Variants in MARCHF7 observed in about 807,000 individuals in gnomAD.
The protein encoded by MARCHF7 is membrane associated ring-CH-type finger 7.
In MARCHF7, 20 loss-of-function variants were observed where a neutral mutation model predicts 76.5. The observed-to-expected ratio is 0.26, with a 90% CI of 0.18 to 0.38. The LOEUF is 0.38. Among genes scored for constraint, MARCHF7 ranks in the 10% least tolerant of loss-of-function variants. The pLI, the probability that MARCHF7 is intolerant of heterozygous loss-of-function variation, is 1.00. For missense variants in MARCHF7, 797 were observed against 812.9 expected (o/e 0.98, Z 0.24); for synonymous variants, 295 against 293.0 (o/e 1.01, Z -0.07).
At chr2:159,732,367 T>G (rs1209083729) in intron 4 of MARCHF7, among the ~76,000 whole-genome samples, 2 of 152,218 alleles carry the variant, frequency 1.3e-5, no homozygotes, top group South Asian at 2.1e-4. Context: ...GCTTTTTAGT[T>G]GCTTTAAGTT....
chr2:159,743,238 T>G lies in MARCHF7; in HGVS notation c.331T>G (p.Leu111Val), dbSNP rs754053290. Residue 111 changes from leucine (L) to valine (V), a missense_variant, in exon 5 of 12, where the codon TTA (leucine) becomes GTA (valine). Physicochemically the swap from Leu to Val is conservative, Grantham distance 32. Transcript: ENST00000409175. ...TSAGRNVGNGLNTLSDSSWRH... is the reference protein window; with the variant it reads ...TSAGRNVGNGVNTLSDSSWRH... ...AGCTGGGAGAAATGTTGGAAATGGT[T>G]TAAACACATTATCAGGTAAGAATGA... The G allele has an allele frequency of 6.2e-7, 1 of 1,613,874 alleles. No homozygotes were observed. Among genetic ancestry groups the G allele is most frequent in the Non-Finnish European group, 8.5e-7 (1 of 1,179,818 alleles).
In MARCHF7 at chr2:159,759,752, A is replaced by T. The variant is rs543524562; in HGVS notation, c.1893+417A>T. ...TGAAGTGTGGTTAGCATATTTGTTT[A>T]AAAAAAACAAACAAAGATATGCTGT... On this transcript the variant is annotated intron_variant, in intron 9 of 11. Coordinates refer to ENST00000409175, the MANE Select transcript of MARCHF7 (RefSeq NM_001282805.2). 5.3e-5 allele frequency among the ~76,000 whole-genome samples: 8 copies of T among 152,006 alleles called. No homozygotes were observed. The South Asian group carries it at 1.7e-3, about 32-fold the overall frequency.
chr2:159,764,255 T>TGCGCGCGCGC (rs1553788076), intron 10 of MARCHF7, among the ~76,000 whole-genome samples: 20 of 131,474 alleles, frequency 1.5e-4, no homozygotes, highest in South Asian at 4.8e-4. Flanking sequence ...TGTGTGTGTG[T>TGCGCGCGCGC]GCGCGCGCCC....
At chr2:159,730,341 G>C (rs985143512) in intron 4 of MARCHF7, among the ~76,000 whole-genome samples, 2 of 152,116 alleles carry the variant, frequency 1.3e-5, no homozygotes, top group Non-Finnish European at 2.9e-5. Flanking sequence ...AAATTTCTTT[G>C]TGTTAAGTAT....
chr2:159,754,910 T>A (rs1706101914), intron 8 of MARCHF7, among the ~76,000 whole-genome samples: 1 of 152,308 alleles, frequency 6.6e-6, no homozygotes, highest in South Asian at 2.1e-4. Context: ...TGTGGATGTG[T>A]AGTAGGATTT....
chr2:159,734,930 C>T (rs1703274812), intron 4 of MARCHF7, among the ~76,000 whole-genome samples: 1 of 151,994 alleles, frequency 6.6e-6, no homozygotes, highest in Non-Finnish European at 1.5e-5. Flanking sequence ...TGCAATGACC[C>T]TTGATCATGC....
At chr2:159,714,272 T>C (rs1405645851) in intron 1 of MARCHF7, among the ~76,000 whole-genome samples, 1 of 152,232 alleles carries the variant, frequency 6.6e-6, no homozygotes, top group East Asian at 1.9e-4. Context: ...TAATTTGTAA[T>C]TTGTTGTAGT....
chr2:159,721,325 A>AT (rs1487365660), intron 3 of MARCHF7, among the ~76,000 whole-genome samples: 1 of 151,964 alleles, frequency 6.6e-6, no homozygotes, highest in Non-Finnish European at 1.5e-5. Context: ...AAAGCAGTTC[A>AT]TTTTTTTCAT....
rs1705143435 is a variant in MARCHF7 at position 159,748,249 on chromosome 2, T to C, written c.959T>C (p.Ile320Thr). The change falls in exon 7 of 12, where the codon ATC (isoleucine) becomes ACC (threonine). Residue 320 changes from isoleucine to threonine, a missense_variant. Ile to Thr is a moderately conservative substitution (Grantham distance 89). Around this residue, in one of 3 missense-constraint regions of MARCHF7, gnomAD observed 643 missense variants for 631.5 expected, o/e 1.02. Transcript: ENST00000409175. ...NSENSYVSPR[I>T]LTASQSRSNV... is the part of the protein sequence containing the mutation. ...GAAAATTCTTACGTTTCTCCAAGAA[T>C]CTTGACAGCTTCACAGTCCCGTAGT... The C allele has an allele frequency of 6.2e-7, 1 of 1,613,736 alleles. No homozygotes were observed. Among genetic ancestry groups the C allele is most frequent in the African/African-American group, 1.3e-5 (1 of 74,930 alleles).
chr2:159,764,794 A>G (rs1707562844), intron 11 of MARCHF7, 120 bp downstream of exon 11: 1 of 555,992 alleles, frequency 1.8e-6, no homozygotes, highest in Non-Finnish European at 3.0e-6. Context: ...GCTTAGTAAT[A>G]CCAAAATGAT....
chr2:159,731,767 C>T (rs561100439), intron 4 of MARCHF7, among the ~76,000 whole-genome samples: 1 of 151,162 alleles, frequency 6.6e-6, no homozygotes, highest in African/African-American at 2.4e-5. Flanking sequence ...AAAAAAAATT[C>T]CATTTCTTAT....
At position 159,767,792 on chromosome 2, in the gene MARCHF7, A is replaced by G. The variant is rs969823539; in HGVS notation, c.*450A>G. ...ATTATTTTTTCTTTTAAAATGCCTT[A>G]AGTTGCAGTCTCATTTTGATAATCA... On this transcript the variant is annotated 3_prime_UTR_variant, in exon 12 of 12. Coordinates refer to ENST00000409175, the MANE Select transcript of MARCHF7 (RefSeq NM_001282805.2). 6.6e-6 allele frequency: 1 copy of G among 152,602 alleles called. No homozygotes were observed. The highest frequency in any genetic ancestry group is 1.5e-5 in the Non-Finnish European group (1 of 68,034). 9.5% of individuals were successfully genotyped at this position (152,602 alleles called of 1,614,324 possible). A position where few individuals can be genotyped will look rare whatever the true frequency, so the allele number is the denominator to read the frequency against.
intron 4 of MARCHF7, among the ~76,000 whole-genome samples, chr2:159,742,794 G>A (rs995553981): frequency 3.9e-5 from 6 of 152,000 alleles, no homozygotes; most frequent in Non-Finnish European, 5.9e-5. Flanking sequence ...AAAATTAGCC[G>A]GGCGTGGTGG....
intron 8 of MARCHF7, among the ~76,000 whole-genome samples, chr2:159,753,550 C>CAAA (rs55967231): frequency 1.4e-5 from 2 of 141,994 alleles, no homozygotes; most frequent in Non-Finnish European, 3.1e-5. Flanking sequence ...GACTCCATGT[C>CAAA]AAAAAAAAAA....
Position 159,743,054 on chromosome 2 carries a change from C to T in MARCHF7, c.154-7C>T. On this transcript the variant is annotated splice_region_variant and splice_polypyrimidine_tract_variant and intron_variant, in intron 4 of 11. Coordinates refer to ENST00000409175, the MANE Select transcript of MARCHF7 (RefSeq NM_001282805.2). ...TTGTTGTTTAAAAAATTTTTTTGAA[C>T]TCACAGTCTACATCAGCATCAGCAT... 6.3e-7 allele frequency: 1 copy of T among 1,599,262 alleles called. No individual in the cohort carries two copies. The highest frequency in any genetic ancestry group is 8.5e-7 in the Non-Finnish European group (1 of 1,172,346).
intron 3 of MARCHF7, among the ~76,000 whole-genome samples, chr2:159,724,690 AT>A (rs1043351309): frequency 6.6e-6 from 1 of 151,968 alleles, no homozygotes; most frequent in Non-Finnish European, 1.5e-5. Context: ...TTATGAATGA[AT>A]TTTTTTTATA....
chr2:159,718,797 C>T (rs918169005), intron 3 of MARCHF7, among the ~76,000 whole-genome samples: 1 of 152,010 alleles, frequency 6.6e-6, no homozygotes, highest in African/African-American at 2.4e-5. Context: ...ACCCCAAATT[C>T]TACTAGAGAT....
Position 159,767,410 on chromosome 2 carries a change from T to C in MARCHF7, c.*68T>C. ...ATTAAAAATGGCAATTAAATATAAATTACTTTTGTGGGGGAATGCCTAATA... is the reference window on the plus strand; with the variant it reads ...ATTAAAAATGGCAATTAAATATAAACTACTTTTGTGGGGGAATGCCTAATA... On this transcript the variant is annotated 3_prime_UTR_variant, in exon 12 of 12. Coordinates refer to ENST00000409175, the MANE Select transcript of MARCHF7 (RefSeq NM_001282805.2). 2 of 1,229,710 alleles carry C rather than the reference T, an allele frequency of 1.6e-6. No homozygotes were observed. The highest frequency in any genetic ancestry group is 2.5e-5 in the South Asian group (2 of 79,032). 76.2% of individuals were successfully genotyped at this position (1,229,710 alleles called of 1,614,324 possible).
At chr2:159,745,181 ATGT>A (rs1328027720) in intron 5 of MARCHF7, among the ~76,000 whole-genome samples, 2 of 152,168 alleles carry the variant, frequency 1.3e-5, no homozygotes, top group Non-Finnish European at 2.9e-5. Flanking sequence ...GTATAGGTAG[ATGT>A]TGTGAGAAGT....
Sources: allele counts gnomAD v4.1 joint callset (sites outside exome capture counted in the v4.1 genomes callset), GRCh38; gene constraint gnomAD v4.1.1; regional missense constraint gnomAD v4.1.1; transcripts MANE v1.5; gene names NCBI Gene and HGNC (gene_info 2026-07-23, HGNC 2026-07-21).